Variants in CPNE4 observed in about 807,000 individuals in gnomAD.
CPNE4 encodes the protein copine 4, also known as copine-4.
A neutral mutation model predicts 67.9 loss-of-function variants in CPNE4; 25 were observed. The ratio of observed to expected loss-of-function variants is 0.37; its 90% CI spans 0.27 to 0.51. The LOEUF (loss-of-function observed/expected upper bound fraction) is 0.51, where lower values mean the gene tolerates loss of function less well. Ranked by LOEUF, CPNE4 falls within the 20% of genes least tolerant of loss-of-function variation. The pLI is 0.93. For missense variants in CPNE4, 464 were observed against 690.8 expected (o/e 0.67, Z 3.68); for synonymous variants, 242 against 244.9 (o/e 0.99, Z 0.11).
At chr3:131,672,551 A>G (rs2080445848) in intron 6 of CPNE4, among the ~76,000 whole-genome samples, 1 of 152,034 alleles carries the variant, frequency 6.6e-6, no homozygotes, top group African/African-American at 2.4e-5. Context: ...GTGCTATCTC[A>G]TTGCAGTTTT....
chr3:131,776,416 C>G (rs17360876), intron 2 of CPNE4, among the ~76,000 whole-genome samples: 9,118 of 152,172 alleles, frequency 0.06, 347 homozygotes, highest in Non-Finnish European at 0.089. Context: ...TTCCAACACC[C>G]TGATGGGAGG....
At chr3:131,628,834 T>G (rs1366131250) in intron 7 of CPNE4, among the ~76,000 whole-genome samples, 1 of 150,004 alleles carries the variant, frequency 6.7e-6, no homozygotes, top group Admixed American at 6.6e-5. Context: ...TTTGTTGATC[T>G]TTTCAAAAAA....
intron 1 of CPNE4, among the ~76,000 whole-genome samples, chr3:131,905,782 T>C (rs963056765): frequency 1.3e-5 from 2 of 152,340 alleles, no homozygotes; most frequent in African/African-American, 2.4e-5. Context: ...AATAAGTGTA[T>C]GGCTTGTGTG....
chr3:131,621,836 A>G (rs574979007), intron 7 of CPNE4, among the ~76,000 whole-genome samples: 3 of 143,242 alleles, frequency 2.1e-5, no homozygotes, highest in African/African-American at 5.8e-5. Context: ...GCAAAACCCC[A>G]TCTGTACAAA....
At chr3:131,613,909 CA>C (rs1184601200) in intron 7 of CPNE4, among the ~76,000 whole-genome samples, 3 of 151,368 alleles carry the variant, frequency 2.0e-5, no homozygotes, top group Admixed American at 2.0e-4. Flanking sequence ...TCATTCCAAC[CA>C]AAAAAAGGGG....
intron 1 of CPNE4, among the ~76,000 whole-genome samples, chr3:131,935,570 T>G (rs2071197923): frequency 6.6e-6 from 1 of 152,116 alleles, no homozygotes; most frequent in African/African-American, 2.4e-5. Context: ...TTGGCATGAT[T>G]AATTAAATGA....
intron 2 of CPNE4, among the ~76,000 whole-genome samples, chr3:131,765,092 T>A (rs546688659): frequency 6.6e-6 from 1 of 152,242 alleles, no homozygotes; most frequent in East Asian, 1.9e-4. Flanking sequence ...TGAGGGCCTG[T>A]GAATAGTGGA....
intron 1 of CPNE4, among the ~76,000 whole-genome samples, chr3:132,032,702 T>C (rs1489554634): frequency 6.6e-6 from 1 of 150,778 alleles, no homozygotes; most frequent in Non-Finnish European, 1.5e-5. Flanking sequence ...CCAGAGTGAC[T>C]TTGTCAGTCT....
At chr3:131,875,686 T>TGGGGGGA (rs2087415909) in intron 2 of CPNE4, among the ~76,000 whole-genome samples, 1 of 122,556 alleles carries the variant, frequency 8.2e-6, no homozygotes, top group Non-Finnish European at 1.7e-5. Flanking sequence ...TGTCCTGGGG[T>TGGGGGGA]GGGGGGAGGG....
At chr3:131,891,977 G>A (rs2088136289) in intron 2 of CPNE4, among the ~76,000 whole-genome samples, 1 of 152,016 alleles carries the variant, frequency 6.6e-6, no homozygotes, top group Non-Finnish European at 1.5e-5. Context: ...GGGCACCATG[G>A]GAATGGCAAA....
At chr3:131,744,827 ACACT>A (rs1362556642) in intron 2 of CPNE4, among the ~76,000 whole-genome samples, 3 of 152,168 alleles carry the variant, frequency 2.0e-5, no homozygotes, top group Non-Finnish European at 4.4e-5. Flanking sequence ...GTTTGTTTAA[ACACT>A]CACTTGTTGA....
chr3:131,823,551 G>A (rs769039429), intron 2 of CPNE4, among the ~76,000 whole-genome samples: 3 of 152,098 alleles, frequency 2.0e-5, no homozygotes, highest in Admixed American at 6.6e-5. Flanking sequence ...CTGAGTGTGC[G>A]GTAATTAAAA....
chr3:131,602,100 C>T (rs1011070025), intron 7 of CPNE4, among the ~76,000 whole-genome samples: 3 of 152,160 alleles, frequency 2.0e-5, no homozygotes, highest in African/African-American at 7.2e-5. Context: ...ATTAACTTGT[C>T]TGGAGTGGGT....
chr3:131,646,831 T>G (rs1240519186), intron 7 of CPNE4, among the ~76,000 whole-genome samples: 4 of 152,214 alleles, frequency 2.6e-5, no homozygotes, highest in African/African-American at 9.7e-5. Context: ...CTCTGAAAAG[T>G]TCTAGGCATC....
At chr3:131,998,073 G>A (rs1177498911) in intron 1 of CPNE4, among the ~76,000 whole-genome samples, 1 of 152,090 alleles carries the variant, frequency 6.6e-6, no homozygotes, top group African/African-American at 2.4e-5. Context: ...TCAAACCATA[G>A]CATTTAGCTA....
intron 1 of CPNE4, among the ~76,000 whole-genome samples, chr3:131,942,422 G>GTA: frequency 1.7e-5 from 1 of 60,424 alleles, no homozygotes; most frequent in African/African-American, 1.0e-4. Context: ...TAGCTTCCTC[G>GTA]TGTGTGTGTG....
At chr3:131,684,443 GCATTT>G (rs1413972295) in intron 6 of CPNE4, among the ~76,000 whole-genome samples, 2 of 152,240 alleles carry the variant, frequency 1.3e-5, no homozygotes, top group African/African-American at 4.8e-5. Context: ...ATATTTAACA[GCATTT>G]ATTTATTTAT....
At chr3:131,748,599 T>A (rs2082549495) in intron 2 of CPNE4, among the ~76,000 whole-genome samples, 1 of 152,064 alleles carries the variant, frequency 6.6e-6, no homozygotes, top group Non-Finnish European at 1.5e-5. Context: ...CAAATTAAAT[T>A]TCCTTAATTG....
chr3:131,581,202 C>G (rs1937812600), intron 9 of CPNE4, among the ~76,000 whole-genome samples: 1 of 152,016 alleles, frequency 6.6e-6, no homozygotes, highest in South Asian at 2.1e-4. Flanking sequence ...AAACCAAAAC[C>G]AAACCAAACC....
Sources: gnomAD v4.1 joint callset for allele counts (sites outside exome capture counted in the v4.1 genomes callset) on GRCh38, gnomAD v4.1.1 for gene constraint, MANE v1.5 for transcripts, NCBI Gene and HGNC (gene_info 2026-07-23, HGNC 2026-07-21) for gene names.